STRN3: variants seen among roughly 807,000 people sequenced by gnomAD.
STRN3 encodes striatin-3.
A neutral mutation model predicts 95.6 loss-of-function variants in STRN3; 29 were observed. That is an observed-to-expected ratio of 0.30 (90% confidence interval 0.23 to 0.41). The LOEUF (loss-of-function observed/expected upper bound fraction) is 0.41. Among genes scored for constraint, STRN3 ranks in the 10% least tolerant of loss-of-function variants. The pLI is 1.00. For missense variants in STRN3, 890 were observed against 972.1 expected (o/e 0.92, Z 1.12); for synonymous variants, 331 against 357.6 (o/e 0.93, Z 0.84).
chr14:30,916,594 ATCT>A (rs1211649247), intron 9 of STRN3, among the ~76,000 whole-genome samples: 4 of 151,828 alleles, frequency 2.6e-5, no homozygotes, highest in Admixed American at 2.6e-4. Flanking sequence ...TAGTTTTAAT[ATCT>A]TCTTTTTTTT....
chr14:30,933,477 T>C (rs1878659011), intron 7 of STRN3, among the ~76,000 whole-genome samples: 1 of 151,894 alleles, frequency 6.6e-6, no homozygotes, highest in South Asian at 2.1e-4. Context: ...ACAAAATAAT[T>C]ATATAATTAT....
chr14:30,921,782 A>G (rs1363845624), intron 8 of STRN3, among the ~76,000 whole-genome samples: 1 of 152,202 alleles, frequency 6.6e-6, no homozygotes, highest in East Asian at 1.9e-4. Context: ...AAGGCCCATT[A>G]AGCACTAATT....
At position 31,025,954 on chromosome 14, in the gene STRN3, G is replaced by A. The variant is rs756001071; in HGVS notation, c.232C>T (p.Arg78Trp). ...ILHYIQHEWA[R>W]FEMERAHWEV... ...CAGTGCGCCCGCTCCATCTCGAACC[G>A]AGCCCACTCGTGCTGGATGTAGTGC... is the stretch of plus-strand genomic sequence containing the variant. The change falls in exon 1 of 18, where the codon CGG becomes TGG. Residue 78 changes from arginine to tryptophan, a missense_variant. This residue lies in a region of STRN3 where 526 missense variants were observed against 526.3 expected (regional missense o/e 1.00). Coordinates refer to ENST00000357479, the MANE Select transcript of STRN3 (RefSeq NM_001083893.2). The A allele has an allele frequency of 2.5e-6, 4 of 1,594,490 alleles. No homozygotes were observed. The highest frequency in any genetic ancestry group is 3.4e-6 in the Non-Finnish European group (4 of 1,171,146).
Position 30,947,232 on chromosome 14 carries a change from T to C in STRN3, c.574A>G (p.Ile192Val), listed in dbSNP as rs746673084. ...YLQEVGYTDT[I>V]LDVRSQRVRS... ...ACCCGCTGAGACCGTACATCTAATA[T>C]TGTATCTGTATAACCTACTTCCTGA... Residue 192 changes from isoleucine to valine, a missense_variant, in exon 5 of 18, where the codon ATA (isoleucine) becomes GTA (valine). Physicochemically the swap from Ile to Val is conservative, Grantham distance 29 (BLOSUM62 3). Transcript: ENST00000357479. 7 of 1,607,934 alleles carry C rather than the reference T, an allele frequency of 4.4e-6. No homozygotes were observed. Among genetic ancestry groups the C allele is most frequent in the East Asian group, 4.5e-5 (2 of 44,606 alleles).
In STRN3 at chr14:30,911,993, A is replaced by C; in HGVS notation, c.1550+14T>G. On this transcript the variant is annotated intron_variant, in intron 11 of 17. Transcript: ENST00000357479. Reference sequence around the variant, plus strand: ...ATTGGAAGAAATACACCAGGCTAACACTAAAATACTTGCTTTTTGGCAGGA... The same window carrying C: ...ATTGGAAGAAATACACCAGGCTAACCCTAAAATACTTGCTTTTTGGCAGGA... The C allele has an allele frequency of 6.2e-7, 1 of 1,604,750 alleles. No homozygotes were observed.
chr14:31,016,913 G>A (rs1356564419), intron 1 of STRN3, among the ~76,000 whole-genome samples: 4 of 152,166 alleles, frequency 2.6e-5, no homozygotes, highest in Non-Finnish European at 5.9e-5. Context: ...CTAGCACTTT[G>A]GGAGGCCAAG....
chr14:30,951,377 G>C (rs1879633635), intron 3 of STRN3, among the ~76,000 whole-genome samples: 1 of 151,934 alleles, frequency 6.6e-6, no homozygotes. Context: ...GGGACCACAG[G>C]CATGTACCAC....
chr14:30,947,381 T>C (rs1056696895), intron 4 of STRN3, 118 bp from the exon 5 acceptor site: 16 of 774,450 alleles, frequency 2.1e-5, no homozygotes, highest in Non-Finnish European at 2.9e-5. Flanking sequence ...TTTGTCTCAG[T>C]ATCTTTCTTC....
At chr14:30,968,958 T>C (rs1372669547) in intron 1 of STRN3, among the ~76,000 whole-genome samples, 4 of 152,158 alleles carry the variant, frequency 2.6e-5, no homozygotes, top group African/African-American at 9.7e-5. Context: ...AAAAAATATA[T>C]ATTTTGTTTC....
intron 16 of STRN3, among the ~76,000 whole-genome samples, chr14:30,896,279 A>G (rs1381604357): frequency 6.6e-6 from 1 of 152,236 alleles, no homozygotes; most frequent in Admixed American, 6.5e-5. Context: ...ACAATATCTG[A>G]TAGACACTGT....
At chr14:31,002,166 C>CAAACAA in intron 1 of STRN3, among the ~76,000 whole-genome samples, 1 of 19,276 alleles carries the variant, frequency 5.2e-5, no homozygotes, top group Non-Finnish European at 8.3e-5. Context: ...AATTCCATCT[C>CAAACAA]AAAAAAAAAA....
chr14:30,927,930 C>CAAAAAA (rs56216107), intron 8 of STRN3, among the ~76,000 whole-genome samples: 1 of 85,108 alleles, frequency 1.2e-5, no homozygotes, highest in Non-Finnish European at 2.3e-5. Context: ...GAGACTCCGT[C>CAAAAAA]AAAAAAAAAA....
intron 16 of STRN3, among the ~76,000 whole-genome samples, chr14:30,896,340 A>T (rs758624153): frequency 6.6e-6 from 1 of 152,164 alleles, no homozygotes; most frequent in Non-Finnish European, 1.5e-5. Flanking sequence ...TGTAAACTGG[A>T]ATTAAATAAG....
chr14:30,899,749 C>T (rs558520457), intron 16 of STRN3, among the ~76,000 whole-genome samples: 3 of 151,970 alleles, frequency 2.0e-5, no homozygotes, highest in Non-Finnish European at 2.9e-5. Flanking sequence ...ATACCCCCCC[C>T]ACCCCCTCTT....
chr14:30,971,138 A>G (rs1348285842), intron 1 of STRN3, among the ~76,000 whole-genome samples: 2 of 152,250 alleles, frequency 1.3e-5, no homozygotes, highest in Admixed American at 6.5e-5. Context: ...TTAAGAATTT[A>G]AGAGCTTATC....
At position 31,019,886 on chromosome 14, in the gene STRN3, C is replaced by CTT. The variant is rs67956918; in HGVS notation, c.282+6016_282+6017dup. ...CATTATAGTCCAGTTCACTCATTTT[C>CTT]TTTTTTTTTTTTTTCTTTTTTAGAT... On this transcript the variant is annotated intron_variant, in intron 1 of 17. Transcript: ENST00000357479. Among the ~76,000 whole-genome samples the CTT allele has an allele frequency of 7.9e-3, 1,132 of 142,888 alleles. 14 individuals are homozygous for CTT. Among genetic ancestry groups the CTT allele is most frequent in the Middle Eastern group, 0.043 (12 of 278 alleles). The allele number at this position is 142,888 out of a possible 152,430, so 93.7% of individuals were successfully genotyped here. A position where few individuals can be genotyped will look rare whatever the true frequency, so the allele number is the denominator to read the frequency against.
At chr14:31,017,206 A>G (rs1050039336) in intron 1 of STRN3, among the ~76,000 whole-genome samples, 4 of 152,052 alleles carry the variant, frequency 2.6e-5, no homozygotes, top group Non-Finnish European at 4.4e-5. Flanking sequence ...TTTAGATTAT[A>G]TAAGTAATCT....
At chr14:30,928,335 C>G (rs934521344) in intron 8 of STRN3, among the ~76,000 whole-genome samples, 1 of 152,130 alleles carries the variant, frequency 6.6e-6, no homozygotes, top group Non-Finnish European at 1.5e-5. Flanking sequence ...AAAAGAATGT[C>G]TATATTGCTT....
In STRN3 at chr14:31,020,291, G is replaced by A. The variant is rs184966527; in HGVS notation, c.282+5613C>T. 1.9e-3 allele frequency among the ~76,000 whole-genome samples: 286 copies of A among 152,204 alleles called. 2 individuals carry two copies. Among genetic ancestry groups the A allele is most frequent in the African/African-American group, 6.3e-3 (263 of 41,534 alleles). Reference sequence around the variant, plus strand: ...AGGCAGGCGGATTACTTGAGGTCAGGAGTTCAAGACCAGCCTGGCCAACAT... The same window carrying A: ...AGGCAGGCGGATTACTTGAGGTCAGAAGTTCAAGACCAGCCTGGCCAACAT... On this transcript the variant is annotated intron_variant, in intron 1 of 17. Coordinates refer to ENST00000357479, the MANE Select transcript of STRN3 (RefSeq NM_001083893.2).
Sources: allele counts gnomAD v4.1 joint callset (sites outside exome capture counted in the v4.1 genomes callset), GRCh38; gene constraint gnomAD v4.1.1; regional missense constraint gnomAD v4.1.1; transcripts MANE v1.5; gene names NCBI Gene and HGNC (gene_info 2026-07-23, HGNC 2026-07-21).